Variants in MELK observed in about 807,000 individuals in gnomAD.
MELK encodes the protein pEg3 kinase.
MELK carries 81 observed loss-of-function variants against 85.0 expected under a neutral mutation model. The observed-to-expected ratio is 0.95, with a 90% confidence interval of 0.80 to 1.15. The LOEUF (loss-of-function observed/expected upper bound fraction) is 1.15. MELK is among the 50% of genes most tolerant of loss of function. MELK has a pLI of 0.00. For synonymous variants in MELK, 252 were observed against 265.0 expected, an observed-to-expected ratio of 0.95 and a Z score of 0.48; for missense variants, 754 against 777.5, an observed-to-expected ratio of 0.97 and a Z score of 0.36.
intron 8 of MELK, among the ~76,000 whole-genome samples, chr9:36,609,389 C>G (rs902760896): frequency 2.7e-5 from 4 of 150,816 alleles, no homozygotes; most frequent in African/African-American, 9.7e-5. Context: ...TGTTCCATAG[C>G]AAACTGAGGT....
At chr9:36,669,586 A>G (rs1038089889) in intron 15 of MELK, among the ~76,000 whole-genome samples, 180 bp downstream of exon 15, 9 of 152,108 alleles carry the variant, frequency 5.9e-5, no homozygotes, top group African/African-American at 2.2e-4. Flanking sequence ...TGCCTTCCTC[A>G]TGGGGTAGAA....
At position 36,659,886 on chromosome 9, in the gene MELK, G is replaced by A. The variant is rs1429567023; in HGVS notation, c.1176+2523G>A. Among the ~76,000 whole-genome samples the A allele has an allele frequency of 2.6e-5, 4 of 152,164 alleles. No individual in the cohort carries two copies. The East Asian group carries it at 5.8e-4, about 22-fold the overall frequency. On this transcript the variant is annotated intron_variant, in intron 13 of 17. Transcript: ENST00000298048. ...ACGATCTCAGTTCACTGCGATTTTC[G>A]CCTCCTGGGTTCAAGCAATTCTCCT...
intron 8 of MELK, 93 bp downstream of exon 8, chr9:36,607,766 A>C: frequency 1.1e-6 from 1 of 923,706 alleles, no homozygotes. Context: ...ACAGGCATAA[A>C]AGTTATTCTC....
At chr9:36,582,045 C>T (rs895709973) in intron 2 of MELK, among the ~76,000 whole-genome samples, 5 of 151,284 alleles carry the variant, frequency 3.3e-5, no homozygotes, top group African/African-American at 4.9e-5. Context: ...GATCTTGGCT[C>T]ACTGCAAGCT....
At chr9:36,582,917 G>GT (rs1328035190) in intron 2 of MELK, among the ~76,000 whole-genome samples, 7 of 152,050 alleles carry the variant, frequency 4.6e-5, no homozygotes, top group Admixed American at 1.3e-4. Context: ...AGCTGCCTGA[G>GT]TGGAGACATT....
At chr9:36,629,119 C>T (rs1828257000) in intron 8 of MELK, among the ~76,000 whole-genome samples, 1 of 152,184 alleles carries the variant, frequency 6.6e-6, no homozygotes, top group African/African-American at 2.4e-5. Flanking sequence ...CCTGCCTTGG[C>T]CTCCCAAAGT....
intron 1 of MELK, among the ~76,000 whole-genome samples, chr9:36,579,898 G>A (rs1052903596): frequency 6.6e-6 from 1 of 151,982 alleles, no homozygotes; most frequent in Non-Finnish European, 1.5e-5. Flanking sequence ...ATTATTTGAT[G>A]TATAATTAAC....
At chr9:36,647,074 A>G (rs1013694321) in intron 11 of MELK, among the ~76,000 whole-genome samples, 9 of 152,238 alleles carry the variant, frequency 5.9e-5, no homozygotes, top group Non-Finnish European at 1.2e-4. Flanking sequence ...TCTCCTGTGC[A>G]TCTTATAATG....
rs1408181653 is a variant in MELK, at chr9:36,649,944, A to AT, written c.922-1800dup. ...TATTTAATTTAATTTAATTAAATTAATTAATTTATTTATTTTTGAGACAGA... is the reference window on the plus strand; with the variant it reads ...TATTTAATTTAATTTAATTAAATTAATTTAATTTATTTATTTTTGAGACAGA... On this transcript the variant is annotated intron_variant, in intron 11 of 17. Transcript: ENST00000298048. Among the ~76,000 whole-genome samples, 1,127 of 124,092 alleles carry AT rather than the reference A, an allele frequency of 9.1e-3. 9 individuals carry two copies. The highest frequency in any genetic ancestry group is 0.024 in the East Asian group (105 of 4,288). The allele number at this position is 124,092 out of a possible 152,430, so 81.4% of individuals were successfully genotyped here. A position where few individuals can be genotyped will look rare whatever the true frequency, so the allele number is the denominator to read the frequency against.
intron 14 of MELK, among the ~76,000 whole-genome samples, chr9:36,667,742 T>G (rs796809817): frequency 5.3e-5 from 8 of 152,238 alleles, no homozygotes; most frequent in African/African-American, 1.9e-4. Context: ...TTCTTTTCTT[T>G]TTTCTCTTCT....
intron 1 of MELK, among the ~76,000 whole-genome samples, chr9:36,573,811 A>G (rs1201407486): frequency 6.6e-6 from 1 of 152,156 alleles, no homozygotes; most frequent in Non-Finnish European, 1.5e-5. Context: ...CCGGCCTAAA[A>G]GGGGAATTTT....
chr9:36,639,584 A>T (rs1056317161), intron 10 of MELK, among the ~76,000 whole-genome samples: 2 of 152,232 alleles, frequency 1.3e-5, no homozygotes, highest in African/African-American at 4.8e-5. Context: ...AGCTTTTGGT[A>T]TGCAGTTTTG....
chr9:36,610,254 A>G (rs1160941821), intron 8 of MELK, among the ~76,000 whole-genome samples: 1 of 152,130 alleles, frequency 6.6e-6, no homozygotes, highest in East Asian at 1.9e-4. Flanking sequence ...CTTGTTGCCC[A>G]CTCCATAGAA....
chr9:36,669,546 A>C (rs1587630596), intron 15 of MELK, 140 bp downstream of exon 15: 1 of 583,928 alleles, frequency 1.7e-6, no homozygotes. Flanking sequence ...TGTGTGGATG[A>C]CCTGTGGCCA....
chr9:36,587,938 G>A (rs1234751965), intron 3 of MELK, among the ~76,000 whole-genome samples: 1 of 147,192 alleles, frequency 6.8e-6, no homozygotes, highest in African/African-American at 2.5e-5. Context: ...ATTTTTTCGT[G>A]TGTGTTTTTA....
At chr9:36,595,425 C>T (rs1008609407) in intron 5 of MELK, among the ~76,000 whole-genome samples, 32 of 152,102 alleles carry the variant, frequency 2.1e-4, no homozygotes, top group African/African-American at 6.0e-4. Context: ...TGTGATCCAC[C>T]GCGCCCGGCC....
At chr9:36,596,089 T>C (rs1392366747) in intron 5 of MELK, among the ~76,000 whole-genome samples, 1 of 152,202 alleles carries the variant, frequency 6.6e-6, no homozygotes, top group African/African-American at 2.4e-5. Flanking sequence ...GTGCTGGGAT[T>C]ACAGGCGTGA....
At chr9:36,625,555 T>C (rs1388224351) in intron 8 of MELK, among the ~76,000 whole-genome samples, 1 of 152,146 alleles carries the variant, frequency 6.6e-6, no homozygotes, top group East Asian at 1.9e-4. Context: ...AGCCTTCAGA[T>C]TGGGGTCCAG....
chr9:36,610,862 T>G (rs1825998554), intron 8 of MELK, among the ~76,000 whole-genome samples: 1 of 152,238 alleles, frequency 6.6e-6, no homozygotes, highest in Non-Finnish European at 1.5e-5. Context: ...TTCCCTCTTT[T>G]TGCTACTTTT....
Sources: gnomAD v4.1 joint callset for allele counts (sites outside exome capture counted in the v4.1 genomes callset) on GRCh38, gnomAD v4.1.1 for gene constraint, MANE v1.5 for transcripts, NCBI Gene and HGNC (gene_info 2026-07-23, HGNC 2026-07-21) for gene names.